Variants in MTOR observed in about 807,000 individuals in gnomAD.
MTOR encodes the protein mechanistic target of rapamycin kinase.
A neutral mutation model predicts 319.8 loss-of-function variants in MTOR; 70 were observed. The observed-to-expected ratio is 0.22, with a 90% confidence interval of 0.18 to 0.27. The LOEUF is 0.27. MTOR is among the 10% of genes least tolerant of loss of function. The pLI, the probability that MTOR is intolerant of heterozygous loss-of-function variation, is 1.00. For synonymous variants in MTOR, 1,183 were observed against 1,211.4 expected (o/e 0.98, Z 0.49); for missense variants, 1,890 against 3,274.4 (o/e 0.58, Z 10.32).
chr1:11,220,191 A>G (rs1646617779), intron 19 of MTOR, among the ~76,000 whole-genome samples: 1 of 152,066 alleles, frequency 6.6e-6, no homozygotes, highest in African/African-American at 2.4e-5. Flanking sequence ...CAGGATAATC[A>G]AAAGAAATTC....
rs367727425 is a variant in MTOR, at chr1:11,243,303, G to A, written c.1226-3C>T. 1 of 1,613,478 alleles carries A rather than the reference G, an allele frequency of 6.2e-7. No individual in the cohort carries two copies. Among genetic ancestry groups the A allele is most frequent in the African/African-American group, 1.3e-5 (1 of 75,008 alleles). ...GGTATCTTGGAGATACTGGGTATCT[G>A]AGCACAGAAAAGACAAAGTAGATAG... On this transcript the variant is annotated splice_region_variant and splice_polypyrimidine_tract_variant and intron_variant, in intron 8 of 57. Coordinates refer to ENST00000361445, the MANE Select transcript of MTOR (RefSeq NM_004958.4).
intron 49 of MTOR, among the ~76,000 whole-genome samples, chr1:11,117,301 C>T (rs948547922): frequency 1.3e-5 from 2 of 152,198 alleles, no homozygotes; most frequent in Admixed American, 1.3e-4. Context: ...GCTGAGATTA[C>T]AGGCACCCGC....
At chr1:11,185,872 G>A (rs1392852950) in intron 28 of MTOR, among the ~76,000 whole-genome samples, 8 of 152,002 alleles carry the variant, frequency 5.3e-5, no homozygotes, top group African/African-American at 1.5e-4. Flanking sequence ...AACAGATCAG[G>A]AGATCGAGAC....
At chr1:11,221,007 T>C (rs918936440) in intron 19 of MTOR, among the ~76,000 whole-genome samples, 11 of 152,172 alleles carry the variant, frequency 7.2e-5, no homozygotes, top group African/African-American at 2.6e-4. Flanking sequence ...AATTTTTTTT[T>C]TTTTGGAGAT....
rs1440837417 is a variant in MTOR at position 11,243,015 on chromosome 1, GATGCAAAAA to G, written c.1412+90_1412+98del. ...GATTTGCTATACCCTGGAGTTTAAT[GATGCAAAAA>G]ATGGGCGTAAGCTCCGTGGATCTGA... On this transcript the variant is annotated intron_variant, in intron 9 of 57. Transcript: ENST00000361445. 104 of 1,311,946 alleles carry G rather than the reference GATGCAAAAA, an allele frequency of 7.9e-5. 1 individual carries two copies. In the East Asian group the frequency reaches 2.4e-3, roughly 31 times the overall value. 81.3% of individuals were successfully genotyped at this position (1,311,946 alleles called of 1,614,324 possible). A position where few individuals can be genotyped will look rare whatever the true frequency, so the allele number is the denominator to read the frequency against.
intron 3 of MTOR, 89 bp from the exon 4 acceptor site, chr1:11,257,254 G>T: frequency 1.7e-6 from 2 of 1,143,902 alleles, no homozygotes; most frequent in Admixed American, 2.1e-5. Context: ...GGTGAGTGCC[G>T]GCCAGGCACG....
intron 29 of MTOR, among the ~76,000 whole-genome samples, 191 bp from the exon 30 acceptor site, chr1:11,157,482 T>G (rs934999394): frequency 3.9e-5 from 6 of 152,308 alleles, no homozygotes; most frequent in Middle Eastern, 6.8e-3. Flanking sequence ...GTGGAAATAC[T>G]GGTTCCTTGG....
In MTOR at chr1:11,133,976, A is replaced by T. The variant is rs889494333; in HGVS notation, c.5246+375T>A. 2.0e-5 allele frequency among the ~76,000 whole-genome samples: 3 copies of T among 152,030 alleles called. No homozygotes were observed. Among genetic ancestry groups the T allele is most frequent in the South Asian group, 2.1e-4 (1 of 4,822 alleles). ...AGTGTGGTGGCACGTGCCTATAGCT[A>T]CTTGGGAAACTGAGGTGGGAGGATT... On this transcript the variant is annotated intron_variant, in intron 37 of 57. Transcript: ENST00000361445. The surrounding 1 kb of genome is among the most constrained non-coding windows in gnomAD (Gnocchi z 4.0).
intron 6 of MTOR, among the ~76,000 whole-genome samples, chr1:11,252,632 C>T (rs1195619593): frequency 6.6e-6 from 1 of 152,178 alleles, no homozygotes; most frequent in Non-Finnish European, 1.5e-5. Context: ...TGAAGCCAGA[C>T]TCCTCCTGCT....
intron 28 of MTOR, among the ~76,000 whole-genome samples, chr1:11,174,290 A>G (rs1015061873): frequency 1.3e-5 from 2 of 152,160 alleles, no homozygotes; most frequent in African/African-American, 4.8e-5. Flanking sequence ...AGTGTGAGCA[A>G]TGGGTGGGAT....
At chr1:11,187,465 A>T (rs533692585) in intron 28 of MTOR, among the ~76,000 whole-genome samples, 1 of 152,122 alleles carries the variant, frequency 6.6e-6, no homozygotes, top group East Asian at 1.9e-4. Context: ...TCCTGTGAGG[A>T]TCTAATGCTG....
intron 10 of MTOR, among the ~76,000 whole-genome samples, chr1:11,241,252 C>T (rs575849464): frequency 3.5e-5 from 5 of 143,840 alleles, no homozygotes; most frequent in Admixed American, 2.2e-4. Flanking sequence ...ACCCGGGAGG[C>T]GGAGCTTGCA....
chr1:11,223,334 A>AT (rs771117637), intron 19 of MTOR, among the ~76,000 whole-genome samples: 81,826 of 151,470 alleles, frequency 0.54, 26,624 homozygotes, highest in East Asian at 0.78. Flanking sequence ...GGTTGGTATT[A>AT]AATAATACTA....
Position 11,234,167 on chromosome 1 carries a change from G to A in MTOR, c.2307C>T (p.Arg769=). The A allele has an allele frequency of 6.2e-7, 1 of 1,614,150 alleles. No individual in the cohort carries two copies. The highest frequency in any genetic ancestry group is 8.5e-7 in the Non-Finnish European group (1 of 1,180,022). The change falls in exon 14 of 58, where the codon CGC becomes CGT. Residue 769 remains arginine (R), a synonymous_variant. Transcript: ENST00000361445. ...HLVSNAPRLI[R]PYMEPILKAL... is the part of the protein sequence containing the mutation. ...CCTTCAGAATAGGCTCCATGTAGGG[G>A]CGGATGAGTCGGGGGGCATTGGAGA... is the stretch of plus-strand genomic sequence containing the variant.
chr1:11,207,348 C>T lies in MTOR; in HGVS notation c.3801+1964G>A, dbSNP rs927616833. On this transcript the variant is annotated intron_variant, in intron 25 of 57. Coordinates refer to ENST00000361445, the MANE Select transcript of MTOR (RefSeq NM_004958.4). ...AACTCCTGGGCTCGAGTAATCCTCCCGCCTGGCTTCCCAAAGTGTTGGAAT... is the reference window on the plus strand; with the variant it reads ...AACTCCTGGGCTCGAGTAATCCTCCTGCCTGGCTTCCCAAAGTGTTGGAAT... 3.3e-5 allele frequency among the ~76,000 whole-genome samples: 5 copies of T among 151,554 alleles called. 1 individual carries two copies. The highest frequency in any genetic ancestry group is 7.3e-5 in the African/African-American group (3 of 41,274).
chr1:11,164,311 G>A (rs1180398740), intron 29 of MTOR, among the ~76,000 whole-genome samples: 1 of 146,660 alleles, frequency 6.8e-6, no homozygotes, highest in Non-Finnish European at 1.5e-5. Flanking sequence ...CTCCAGCCTG[G>A]GCGACAGAGT....
At chr1:11,244,022 G>A (rs1217913994) in intron 8 of MTOR, among the ~76,000 whole-genome samples, 4 of 150,962 alleles carry the variant, frequency 2.6e-5, no homozygotes, top group Admixed American at 2.6e-4. Flanking sequence ...CTCAGATGCA[G>A]TGGCTCATGC....
At chr1:11,234,344 C>A in intron 13 of MTOR, 79 bp from the exon 14 acceptor site, 4 of 1,506,416 alleles carry the variant, frequency 2.7e-6, no homozygotes, top group Non-Finnish European at 3.6e-6. Context: ...GAAAAAGTGG[C>A]AGGGAACTGG....
intron 46 of MTOR, among the ~76,000 whole-genome samples, chr1:11,125,908 G>T (rs1642806677): frequency 6.6e-6 from 1 of 151,626 alleles, no homozygotes; most frequent in South Asian, 2.1e-4. Flanking sequence ...AGGTGTGGTG[G>T]TGCGTGCCTG....
Sources: gnomAD v4.1 joint callset for allele counts (sites outside exome capture counted in the v4.1 genomes callset) on GRCh38, gnomAD v4.1.1 for gene constraint, Gnocchi (gnomAD v3.1) non-coding constraint, MANE v1.5 for transcripts, NCBI Gene and HGNC (gene_info 2026-07-23, HGNC 2026-07-21) for gene names.